Variants in PUDP observed in about 807,000 individuals in gnomAD.
PUDP encodes pseudouridine-5'-phosphatase.
A neutral mutation model predicts 9.4 loss-of-function variants in PUDP; 8 were observed. The observed-to-expected ratio is 0.85, with a 90% CI of 0.50 to 1.53. The LOEUF is 1.53. Among genes scored for constraint, PUDP ranks in the 40% most tolerant of loss-of-function variants. PUDP has a pLI of 0.00. For missense variants in PUDP, 188 were observed against 189.7 expected (o/e 0.99, Z 0.05); for synonymous variants, 99 against 80.7 (o/e 1.23, Z -1.22).
chrX:7,062,233 A>G (rs1930423647), intron 3 of PUDP, among the ~76,000 whole-genome samples: 1 of 111,457 alleles, frequency 9.0e-6, no homozygotes, highest in Non-Finnish European at 1.9e-5. Flanking sequence ...CCTGGAGTTC[A>G]TGGTCTCCAA....
At chrX:6,995,314 T>A (rs1929235830) in intron 1 of PUDP, among the ~76,000 whole-genome samples, 1 of 111,780 alleles carries the variant, frequency 8.9e-6, no homozygotes, top group Non-Finnish European at 1.9e-5. Context: ...GACAAGTACA[T>A]GCACCAAATA....
At position 6,989,158 on chromosome X, in the gene PUDP, T is replaced by C. The variant is rs1395844339; in HGVS notation, c.205-10815A>G. ...AAATGTATACATATTCATGTATCTGTATCCTTCACTGCACTTAGAAGAGTT... is the reference window on the plus strand; with the variant it reads ...AAATGTATACATATTCATGTATCTGCATCCTTCACTGCACTTAGAAGAGTT... On this transcript the variant is annotated intron_variant and NMD_transcript_variant, in intron 1 of 3. Transcript: ENST00000655425. Among the ~76,000 whole-genome samples, 4 of 112,052 alleles carry C rather than the reference T, an allele frequency of 3.6e-5. No individual in the cohort carries two copies. The East Asian group carries it at 1.1e-3, about 31-fold the overall frequency.
intron 3 of PUDP, among the ~76,000 whole-genome samples, chrX:6,894,992 A>C (rs113729856): frequency 0.01 from 1,149 of 111,039 alleles, 20 homozygotes; most frequent in African/African-American, 0.036. Flanking sequence ...GGCCAGATAC[A>C]GTTTCTTGTC....
chrX:7,060,962 C>T (rs1404045976), intron 3 of PUDP, among the ~76,000 whole-genome samples: 1 of 112,034 alleles, frequency 8.9e-6, no homozygotes, highest in African/African-American at 3.2e-5. Context: ...GGGCCTGGTC[C>T]ATCCCTCTCT....
intron 3 of PUDP, among the ~76,000 whole-genome samples, chrX:6,885,745 G>A (rs181821135): frequency 1.8e-5 from 2 of 111,759 alleles, no homozygotes; most frequent in Non-Finnish European, 3.8e-5. Context: ...AGAAAGAGTT[G>A]GCCAACTCTT....
At chrX:6,940,285 T>G (rs1295337905) in intron 3 of PUDP, among the ~76,000 whole-genome samples, 5 of 113,110 alleles carry the variant, frequency 4.4e-5, no homozygotes, top group Non-Finnish European at 9.4e-5. Flanking sequence ...GCACATGGCT[T>G]TTTTCACACT....
chrX:7,136,703 C>G lies in PUDP; in HGVS notation c.61+11350G>C, dbSNP rs999956827. Among the ~76,000 whole-genome samples the G allele has an allele frequency of 3.0e-5, 3 of 100,712 alleles. No homozygotes were observed. The Admixed American group carries it at 3.1e-4, about 10-fold the overall frequency. 87.5% of individuals were successfully genotyped at this position (100,712 alleles called of 115,157 possible). A position where few individuals can be genotyped will look rare whatever the true frequency, so the allele number is the denominator to read the frequency against. ...TCATATTGTGCCAGTGGGACCCCCC[C>G]CCCCAACCCCGCCCACTGCATCCTG... On this transcript the variant is annotated intron_variant, in intron 1 of 3. Transcript: ENST00000381077.
rs772975179 is a variant in PUDP, at chrX:7,109,487, A to G, written c.62-3649T>C. On this transcript the variant is annotated intron_variant, in intron 1 of 3. Transcript: ENST00000381077. ...AACAGGAAGAAAGGAGTGTGGACAAAGGCAGGAAAACAGCTGTATCCTCTA... is the reference window on the plus strand; with the variant it reads ...AACAGGAAGAAAGGAGTGTGGACAAGGGCAGGAAAACAGCTGTATCCTCTA... 9.3e-4 allele frequency among the ~76,000 whole-genome samples: 104 copies of G among 112,213 alleles called. 1 individual carries two copies. Among genetic ancestry groups the G allele is most frequent in the African/African-American group, 3.3e-3 (103 of 30,907 alleles).
chrX:6,983,821 C>T (rs2146801046), intron 1 of PUDP, among the ~76,000 whole-genome samples: 1 of 112,371 alleles, frequency 8.9e-6, no homozygotes, highest in South Asian at 3.7e-4. Context: ...AAGTAAATAA[C>T]TTTGTAACTT....
chrX:7,092,859 A>C (rs1425819917), intron 2 of PUDP, among the ~76,000 whole-genome samples: 5 of 112,264 alleles, frequency 4.5e-5, no homozygotes, highest in African/African-American at 1.6e-4. Flanking sequence ...CACAACACTT[A>C]TGTGAAAAAC....
intron 1 of PUDP, among the ~76,000 whole-genome samples, chrX:7,006,424 A>G (rs776864187): frequency 4.5e-5 from 5 of 111,651 alleles, no homozygotes; most frequent in African/African-American, 1.3e-4. Flanking sequence ...TTACATTTTC[A>G]TTTCCTTAAT....
chrX:6,790,849 A>G (rs1265832261), intron 3 of PUDP, among the ~76,000 whole-genome samples: 1 of 112,283 alleles, frequency 8.9e-6, no homozygotes, highest in Non-Finnish European at 1.9e-5. Flanking sequence ...TGAGTTACAC[A>G]CATGTGAGCA....
intron 3 of PUDP, among the ~76,000 whole-genome samples, chrX:6,939,162 C>G (rs1928359892): frequency 9.1e-6 from 1 of 109,630 alleles, no homozygotes; most frequent in Non-Finnish European, 1.9e-5. Flanking sequence ...AGATTTTTAT[C>G]TTTATCAACA....
rs563231559 is a variant in PUDP at position 6,861,992 on chromosome X, G to A, written c.*247+115141C>T. 2.6e-4 allele frequency among the ~76,000 whole-genome samples: 29 copies of A among 111,821 alleles called. No individual in the cohort carries two copies. The South Asian group carries it at 0.01, about 40-fold the overall frequency. Reference sequence around the variant, plus strand: ...AGGAAGCCAGACATGCTTAGTGAGAGGCTGTCAGCTTGCTGTGAACCCTCT... The same window carrying A: ...AGGAAGCCAGACATGCTTAGTGAGAAGCTGTCAGCTTGCTGTGAACCCTCT... On this transcript the variant is annotated intron_variant and NMD_transcript_variant, in intron 3 of 3. Transcript: ENST00000655425.
At chrX:6,748,261 G>T (rs922514985) in intron 3 of PUDP, among the ~76,000 whole-genome samples, 10 of 111,670 alleles carry the variant, frequency 9.0e-5, no homozygotes, top group African/African-American at 3.3e-4. Context: ...CAGAGCCCTC[G>T]GGCCCAGAGT....
intron 3 of PUDP, among the ~76,000 whole-genome samples, chrX:6,777,724 CA>C (rs1411728449): frequency 8.9e-6 from 1 of 111,957 alleles, no homozygotes; most frequent in East Asian, 2.8e-4. Flanking sequence ...AACAAGTCAA[CA>C]AGCAAGCAGA....
intron 2 of PUDP, among the ~76,000 whole-genome samples, chrX:7,104,024 G>T (rs1224381867): frequency 8.9e-6 from 1 of 111,926 alleles, no homozygotes; most frequent in Non-Finnish European, 1.9e-5. Flanking sequence ...ATTACCATGG[G>T]ATCCAGCAAT....
chrX:6,784,124 G>A (rs772776479), intron 3 of PUDP, among the ~76,000 whole-genome samples: 1 of 111,523 alleles, frequency 9.0e-6, no homozygotes, highest in South Asian at 3.8e-4. Flanking sequence ...GCATCTCTTA[G>A]CCCAGTCAAG....
chrX:7,113,696 T>C (rs1370962742), intron 1 of PUDP, among the ~76,000 whole-genome samples: 2 of 112,365 alleles, frequency 1.8e-5, no homozygotes, highest in Non-Finnish European at 3.8e-5. Context: ...GTTCAATTTA[T>C]TTAAAATGTA....
Sources: allele counts gnomAD v4.1 joint callset (sites outside exome capture counted in the v4.1 genomes callset), GRCh38; gene constraint gnomAD v4.1.1; transcripts MANE v1.5; gene names NCBI Gene and HGNC (gene_info 2026-07-23, HGNC 2026-07-21).